The following FA2H variants were observed in gnomAD, a reference collection of about 807,000 sequenced individuals.
FA2H encodes the protein fatty acid 2-hydroxylase, also known as fatty acid alpha-hydroxylase.
A neutral mutation model predicts 44.9 loss-of-function variants in FA2H; 22 were observed. The observed-to-expected ratio is 0.49, with a 90% CI of 0.35 to 0.70. The LOEUF is 0.70. FA2H is among the 30% of genes least tolerant of loss of function. The pLI, the probability that FA2H is intolerant of heterozygous loss-of-function variation, is 0.01. For synonymous variants in FA2H, 243 were observed against 213.2 expected, an observed-to-expected ratio of 1.14 and a Z score of -1.22; for missense variants, 501 against 504.9, an observed-to-expected ratio of 0.99 and a Z score of 0.07.
chr16:74,763,072 T>G (rs2144660548), intron 1 of FA2H, among the ~76,000 whole-genome samples: 1 of 152,294 alleles, frequency 6.6e-6, no homozygotes, highest in East Asian at 1.9e-4. Context: ...TCCAGCGAGG[T>G]GCTCCTTATT....
At chr16:74,728,521 T>G (rs1046595586) in intron 2 of FA2H, among the ~76,000 whole-genome samples, 1 of 152,102 alleles carries the variant, frequency 6.6e-6, no homozygotes, top group African/African-American at 2.4e-5. Context: ...AAGTTGAATA[T>G]GGTTGTGGCC....
chr16:74,766,773 G>C lies in FA2H; in HGVS notation c.270+7713C>G, dbSNP rs764698668. ...AGCCAATGGAAACGATTACTGTGAA[G>C]AGTAAGAAAAACATCAATAATACCC... On this transcript the variant is annotated intron_variant, in intron 1 of 6. Coordinates refer to ENST00000219368, the MANE Select transcript of FA2H (RefSeq NM_024306.5). Among the ~76,000 whole-genome samples, 32 of 152,198 alleles carry C rather than the reference G, an allele frequency of 2.1e-4. 1 individual carries two copies. The highest frequency in any genetic ancestry group is 1.0e-4 in the Non-Finnish European group (7 of 68,036).
intron 4 of FA2H, among the ~76,000 whole-genome samples, chr16:74,721,321 C>A (rs553198545): frequency 1.8e-4 from 28 of 152,220 alleles, no homozygotes; most frequent in African/African-American, 6.7e-4. Flanking sequence ...GTGTGCGCCA[C>A]CATGCCCAAC....
intron 1 of FA2H, among the ~76,000 whole-genome samples, chr16:74,742,978 T>C (rs1399834870): frequency 6.6e-6 from 1 of 152,196 alleles, no homozygotes; most frequent in Non-Finnish European, 1.5e-5. Flanking sequence ...AACTTTATAC[T>C]GACATTTACC....
Position 74,762,323 on chromosome 16 carries a change from G to A in FA2H, c.270+12163C>T, listed in dbSNP as rs577396002. On this transcript the variant is annotated intron_variant, in intron 1 of 6. Coordinates refer to ENST00000219368, the MANE Select transcript of FA2H (RefSeq NM_024306.5). ...CTCCCAAAGTGTTGGGATTACAGGC[G>A]TGAGCCACCGTGCCCGGCCCATACA... is the stretch of plus-strand genomic sequence containing the variant. 3.5e-3 allele frequency among the ~76,000 whole-genome samples: 526 copies of A among 152,008 alleles called. 3 individuals are homozygous for A. Among genetic ancestry groups the A allele is most frequent in the African/African-American group, 0.012 (495 of 41,452 alleles).
At chr16:74,766,192 G>C (rs1232278793) in intron 1 of FA2H, among the ~76,000 whole-genome samples, 1 of 152,046 alleles carries the variant, frequency 6.6e-6, no homozygotes, top group Non-Finnish European at 1.5e-5. Context: ...CCAGCTACTC[G>C]GGATGCTGAG....
chr16:74,743,221 C>T (rs1962347906), intron 1 of FA2H, among the ~76,000 whole-genome samples: 1 of 152,182 alleles, frequency 6.6e-6, no homozygotes, highest in Non-Finnish European at 1.5e-5. Context: ...ATTAACTACA[C>T]ATAATTGTTC....
At chr16:74,763,345 C>G (rs1277312706) in intron 1 of FA2H, among the ~76,000 whole-genome samples, 1 of 152,108 alleles carries the variant, frequency 6.6e-6, no homozygotes, top group Non-Finnish European at 1.5e-5. Context: ...GCAACCTCAG[C>G]CTCCCAGGTT....
At chr16:74,761,994 A>G (rs1962721689) in intron 1 of FA2H, among the ~76,000 whole-genome samples, 1 of 152,230 alleles carries the variant, frequency 6.6e-6, no homozygotes, top group Non-Finnish European at 1.5e-5. Context: ...CTCATTTAGG[A>G]GTAAGCTGTG....
At chr16:74,744,206 C>G (rs188415528) in intron 1 of FA2H, among the ~76,000 whole-genome samples, 185 of 152,240 alleles carry the variant, frequency 1.2e-3, no homozygotes, top group Middle Eastern at 0.01. Context: ...ATTCCACAGG[C>G]GAACACCATC....
intron 1 of FA2H, among the ~76,000 whole-genome samples, chr16:74,745,015 G>A (rs1213391499): frequency 1.3e-5 from 2 of 152,168 alleles, no homozygotes; most frequent in Admixed American, 6.5e-5. Context: ...GACAGGGGGT[G>A]TCCAACCCAT....
chr16:74,727,414 T>C (rs1484660064), intron 2 of FA2H, 28 bp from the exon 3 acceptor site: 8 of 1,612,870 alleles, frequency 5.0e-6, no homozygotes, highest in Admixed American at 1.7e-5. Context: ...AAGTGGACGT[T>C]TGATATTCAC....
At chr16:74,773,907 A>G (rs1379600649) in intron 1 of FA2H, among the ~76,000 whole-genome samples, 3 of 152,150 alleles carry the variant, frequency 2.0e-5, no homozygotes, top group African/African-American at 7.2e-5. Flanking sequence ...ACAAGAATAT[A>G]AGGGAAGGTC....
chr16:74,749,977 A>G (rs1962500758), intron 1 of FA2H, among the ~76,000 whole-genome samples: 1 of 152,220 alleles, frequency 6.6e-6, no homozygotes, highest in Non-Finnish European at 1.5e-5. Flanking sequence ...AGGGTAAACA[A>G]GAGGGGCTTT....
chr16:74,746,318 G>C (rs1718650979), intron 1 of FA2H, among the ~76,000 whole-genome samples: 1 of 151,504 alleles, frequency 6.6e-6, no homozygotes, highest in African/African-American at 2.4e-5. Context: ...GGAGTGGAGT[G>C]GTGTGATCAT....
chr16:74,727,783 C>G (rs1597547274), intron 2 of FA2H, among the ~76,000 whole-genome samples: 1 of 152,280 alleles, frequency 6.6e-6, no homozygotes, highest in Admixed American at 6.5e-5. Context: ...CCAGATTCAG[C>G]CACATCTGAA....
chr16:74,771,358 T>C (rs1043198127), intron 1 of FA2H, among the ~76,000 whole-genome samples: 1 of 151,564 alleles, frequency 6.6e-6, no homozygotes, highest in African/African-American at 2.4e-5. Context: ...GCCCAGCTAA[T>C]TTTTGTATTT....
At chr16:74,742,213 G>T (rs772452686) in intron 1 of FA2H, among the ~76,000 whole-genome samples, 3 of 152,178 alleles carry the variant, frequency 2.0e-5, no homozygotes, top group African/African-American at 7.2e-5. Context: ...CTGCCATGTG[G>T]TGGGCCTGGC....
At chr16:74,756,197 G>C (rs546089150) in intron 1 of FA2H, among the ~76,000 whole-genome samples, 2 of 152,302 alleles carry the variant, frequency 1.3e-5, no homozygotes, top group South Asian at 4.1e-4. Context: ...TGGCCTGCAG[G>C]CCTCCCCTCT....
Sources: gnomAD v4.1 joint callset for allele counts (sites outside exome capture counted in the v4.1 genomes callset) on GRCh38, gnomAD v4.1.1 for gene constraint, MANE v1.5 for transcripts, NCBI Gene and HGNC (gene_info 2026-07-23, HGNC 2026-07-21) for gene names.